The following CACNA2D3 variants were observed in gnomAD, a reference collection of about 807,000 sequenced individuals.
CACNA2D3 encodes voltage-dependent calcium channel subunit alpha-2/delta-3.
A neutral mutation model predicts 160.6 loss-of-function variants in CACNA2D3; 60 were observed. That is an observed-to-expected ratio of 0.37 (90% CI 0.30 to 0.46). The LOEUF is 0.46. CACNA2D3 is among the 20% of genes least tolerant of loss of function. The pLI, the probability that CACNA2D3 is intolerant of heterozygous loss-of-function variation, is 1.00. For missense variants in CACNA2D3, 1,205 were observed against 1,365.0 expected, an observed-to-expected ratio of 0.88 and a Z score of 1.85; for synonymous variants, 558 against 492.9, an observed-to-expected ratio of 1.13 and a Z score of -1.75.
At chr3:54,868,062 A>G (rs948159868) in intron 17 of CACNA2D3, among the ~76,000 whole-genome samples, 1 of 152,030 alleles carries the variant, frequency 6.6e-6, no homozygotes, top group Admixed American at 6.5e-5. Flanking sequence ...ATGGAGTGCC[A>G]CTCTCTGGCC....
chr3:54,365,566 A>C (rs1388067162), intron 3 of CACNA2D3, among the ~76,000 whole-genome samples: 1 of 152,162 alleles, frequency 6.6e-6, no homozygotes, highest in Non-Finnish European at 1.5e-5. Context: ...ACCCAGGTGG[A>C]TAATACAGGC....
chr3:54,542,131 G>C (rs191961544), intron 5 of CACNA2D3, among the ~76,000 whole-genome samples: 1 of 151,804 alleles, frequency 6.6e-6, no homozygotes, highest in East Asian at 1.9e-4. Flanking sequence ...GCGTGATCTC[G>C]GCTCGCTGCA....
intron 11 of CACNA2D3, among the ~76,000 whole-genome samples, chr3:54,689,057 G>C (rs1700522107): frequency 7.0e-6 from 1 of 142,376 alleles, no homozygotes; most frequent in African/African-American, 2.6e-5. Context: ...TCCTGACACA[G>C]AGAAAGAGTT....
intron 2 of CACNA2D3, among the ~76,000 whole-genome samples, chr3:54,261,070 G>A (rs12494923): frequency 0.19 from 29,621 of 152,080 alleles, 3,158 homozygotes; most frequent in South Asian, 0.25. Flanking sequence ...ATGTCCTGGC[G>A]CATAGTAGAT....
intron 14 of CACNA2D3, among the ~76,000 whole-genome samples, chr3:54,822,766 CTTTCTTTCTTTCTTTCTTTCTTTCCTTT>C (rs1703643431): frequency 2.3e-5 from 2 of 87,632 alleles, no homozygotes; most frequent in Non-Finnish European, 4.5e-5. Context: ...TTCTTTCTTT[CTTTCTTTCTTTCTTTCTTTCTTTCCTTT>C]CTTTCTTTCT....
intron 35 of CACNA2D3, among the ~76,000 whole-genome samples, chr3:55,072,429 ACTTTT>A (rs1704831974): frequency 6.6e-6 from 1 of 152,192 alleles, no homozygotes; most frequent in African/African-American, 2.4e-5. Flanking sequence ...AAGCAGAAGA[ACTTTT>A]CTTCATTGCA....
intron 2 of CACNA2D3, among the ~76,000 whole-genome samples, chr3:54,144,940 A>C (rs1180902372): frequency 6.6e-6 from 1 of 152,210 alleles, no homozygotes; most frequent in Non-Finnish European, 1.5e-5. Flanking sequence ...ACAGAATTTA[A>C]AGATATTCAG....
At chr3:54,133,355 G>A (rs949135258) in intron 2 of CACNA2D3, among the ~76,000 whole-genome samples, 1 of 152,158 alleles carries the variant, frequency 6.6e-6, no homozygotes, top group African/African-American at 2.4e-5. Context: ...ATGGCTCCAC[G>A]TGGCAAAGGC....
rs535972794 is a variant in CACNA2D3 at position 54,717,670 on chromosome 3, G to A, written c.1168-34929G>A. On this transcript the variant is annotated intron_variant, in intron 11 of 37. Coordinates refer to ENST00000474759, the MANE Select transcript of CACNA2D3 (RefSeq NM_018398.3). ...GTGTCTGGTGCGTGTGTATGCATGT[G>A]TGGTGTGTGTGGTGTGTGCGTGCGT... 3.4e-3 allele frequency among the ~76,000 whole-genome samples: 459 copies of A among 134,816 alleles called. 2 individuals carry two copies. The highest frequency in any genetic ancestry group is 7.2e-3 in the South Asian group (28 of 3,872). 88.4% of individuals were successfully genotyped at this position (134,816 alleles called of 152,430 possible).
intron 35 of CACNA2D3, among the ~76,000 whole-genome samples, chr3:55,024,365 G>A (rs768247202): frequency 6.6e-6 from 1 of 151,950 alleles, no homozygotes. Context: ...TGTAACATGT[G>A]CATAAGGCTA....
Position 54,818,042 on chromosome 3 carries a change from TAG to T in CACNA2D3, c.1398+1178_1398+1179del, listed in dbSNP as rs57340785. ...ATTACCTACATTTGAATTTTTTTGA[TAG>T]AGAGACTTCACAAATTCTCTGCCTA... On this transcript the variant is annotated intron_variant, in intron 14 of 37. Transcript: ENST00000474759. Among the ~76,000 whole-genome samples the T allele has an allele frequency of 4.8e-4, 73 of 151,944 alleles. No individual in the cohort carries two copies. In the South Asian group the frequency reaches 0.015, roughly 31 times the overall value.
chr3:54,886,203 A>G (rs902195517), intron 23 of CACNA2D3, among the ~76,000 whole-genome samples: 6 of 152,202 alleles, frequency 3.9e-5, no homozygotes, highest in Admixed American at 1.3e-4. Flanking sequence ...ACTGATCATG[A>G]TATCTGCCCC....
At chr3:54,187,071 T>A (rs1470264957) in intron 2 of CACNA2D3, among the ~76,000 whole-genome samples, 4 of 152,200 alleles carry the variant, frequency 2.6e-5, no homozygotes, top group African/African-American at 9.6e-5. Flanking sequence ...GGGCTCCTGC[T>A]GCTGCTGTCC....
chr3:54,653,879 G>A (rs1230519938), intron 11 of CACNA2D3, among the ~76,000 whole-genome samples: 1 of 152,146 alleles, frequency 6.6e-6, no homozygotes, highest in Non-Finnish European at 1.5e-5. Flanking sequence ...CTCTCCAGGT[G>A]ACCTCCACCA....
intron 21 of CACNA2D3, among the ~76,000 whole-genome samples, chr3:54,884,203 T>C (rs189144620): frequency 4.2e-4 from 64 of 152,314 alleles, no homozygotes; most frequent in Admixed American, 9.1e-4. Context: ...CCCTGTCCCA[T>C]TTAACTGTTT....
chr3:54,979,762 C>T (rs1470953407), intron 29 of CACNA2D3, among the ~76,000 whole-genome samples: 1 of 152,092 alleles, frequency 6.6e-6, no homozygotes, highest in Non-Finnish European at 1.5e-5. Flanking sequence ...TCACAATCTC[C>T]AACATTATCA....
intron 13 of CACNA2D3, among the ~76,000 whole-genome samples, chr3:54,808,083 A>G (rs1169236418): frequency 5.4e-5 from 8 of 148,044 alleles, no homozygotes; most frequent in South Asian, 2.3e-4. Flanking sequence ...GAGGGATAGC[A>G]TTAGGAGATA....
chr3:54,833,834 A>C (rs1446893795), intron 14 of CACNA2D3, among the ~76,000 whole-genome samples: 5 of 152,108 alleles, frequency 3.3e-5, no homozygotes, highest in African/African-American at 4.8e-5. Context: ...TTGTTGCCAT[A>C]ATGATGAACT....
chr3:54,804,085 C>G (rs1178496603), intron 13 of CACNA2D3, among the ~76,000 whole-genome samples: 1 of 152,042 alleles, frequency 6.6e-6, no homozygotes, highest in Non-Finnish European at 1.5e-5. Context: ...CAACTGGTAC[C>G]AGCCACTGCA....
Sources: gnomAD v4.1 joint callset for allele counts (sites outside exome capture counted in the v4.1 genomes callset) on GRCh38, gnomAD v4.1.1 for gene constraint, MANE v1.5 for transcripts, NCBI Gene and HGNC (gene_info 2026-07-23, HGNC 2026-07-21) for gene names.